The following SIGLEC6 variants were observed in gnomAD, a reference collection of about 807,000 sequenced individuals.
The protein encoded by SIGLEC6 is sialic acid binding Ig like lectin 6.
In SIGLEC6, 31 loss-of-function variants were observed where a neutral mutation model predicts 41.4. That is an observed-to-expected ratio of 0.75 (90% CI 0.56 to 1.01). SIGLEC6 has a LOEUF of 1.01. Ranked by LOEUF, SIGLEC6 falls within the 50% of genes least tolerant of loss-of-function variation. The pLI is 0.00. For synonymous variants in SIGLEC6, 217 were observed against 231.0 expected (o/e 0.94, Z 0.55); for missense variants, 555 against 558.6 (o/e 0.99, Z 0.06).
At position 51,528,504 on chromosome 19, in the gene SIGLEC6, T is replaced by C. The variant is rs562480071; in HGVS notation, c.1013-251A>G. 2.2e-5 allele frequency: 12 copies of C among 544,258 alleles called. No individual in the cohort carries two copies. In the East Asian group the frequency reaches 3.7e-4, roughly 17 times the overall value. The allele number at this position is 544,258 out of a possible 1,614,324, so 33.7% of individuals were successfully genotyped here. On this transcript the variant is annotated intron_variant, in intron 5 of 7. Transcript: ENST00000425629. ...TTGGAAACATCTTCTCCAAGCTTCA[T>C]TTCTCTGGAGCAGTTAGGGGTTGAA...
chr19:51,524,055 C>T (rs545515045), intron 7 of SIGLEC6, among the ~76,000 whole-genome samples: 1 of 151,396 alleles, frequency 6.6e-6, no homozygotes, highest in Admixed American at 6.6e-5. Flanking sequence ...TTAAAACTAT[C>T]AAAAAGGCAA....
intron 7 of SIGLEC6, 26 bp from the exon 8 acceptor site, chr19:51,520,281 A>C (rs1445850369): frequency 1.3e-6 from 2 of 1,512,930 alleles, no homozygotes; most frequent in South Asian, 2.7e-5. Context: ...GAAAAGATTC[A>C]GGGCTGGACA....
At chr19:51,531,014 G>C in intron 2 of SIGLEC6, 55 bp from the exon 3 acceptor site, 4 of 1,588,140 alleles carry the variant, frequency 2.5e-6, no homozygotes, top group Non-Finnish European at 3.4e-6. Context: ...TTTCACCCAG[G>C]GGGAAGCCCA....
rs549603831 is a variant in SIGLEC6, at chr19:51,518,370, C to G, written c.*1712G>C. On this transcript the variant is annotated 3_prime_UTR_variant, in exon 8 of 8. Coordinates refer to ENST00000425629, the MANE Select transcript of SIGLEC6 (RefSeq NM_001245.7). ...TTTTGCTTTTTCTGAGTTGGAGTCT[C>G]GCTCTGTTGCCCAGGCTGGAGTGCA... Among the ~76,000 whole-genome samples, 4 of 152,144 alleles carry G rather than the reference C, an allele frequency of 2.6e-5. No homozygotes were observed.
intron 7 of SIGLEC6, among the ~76,000 whole-genome samples, chr19:51,522,213 C>A (rs1978392610): frequency 2.0e-5 from 3 of 152,248 alleles, no homozygotes; most frequent in Non-Finnish European, 4.4e-5. Context: ...AATATAAACT[C>A]ACCCTGCCAA....
intron 5 of SIGLEC6, 199 bp downstream of exon 5, chr19:51,529,525 C>A: frequency 1.5e-6 from 1 of 653,890 alleles, no homozygotes; most frequent in Non-Finnish European, 2.6e-6. Flanking sequence ...TCCCATCCCT[C>A]CAGAATCTCC....
At position 51,530,669 on chromosome 19, in the gene SIGLEC6, C is replaced by T. The variant is rs779136023; in HGVS notation, c.706+12G>A. 3.1e-6 allele frequency: 5 copies of T among 1,612,890 alleles called. No individual in the cohort carries two copies. Among genetic ancestry groups the T allele is most frequent in the African/African-American group, 1.3e-5 (1 of 74,768 alleles). ...ACCCTCAGGGACCCGGGCGTCCTGG[C>T]CCAGCACTCACAGGAGACATTGAGC... On this transcript the variant is annotated intron_variant, in intron 3 of 7. Transcript: ENST00000425629.
In SIGLEC6 at chr19:51,527,826, ACTCTGAGGGAACAGC is replaced by A; in HGVS notation, c.1107-13_1108del. On this transcript the variant is annotated splice_acceptor_variant and splice_polypyrimidine_tract_variant and coding_sequence_variant and intron_variant, in exon 7 of 8. Coordinates refer to ENST00000425629, the MANE Select transcript of SIGLEC6 (RefSeq NM_001245.7). LOFTEE classifies it high-confidence loss of function. ...GGCTGCTTTCTTCCTTCTAGTCTTC[ACTCTGAGGGAACAGC>A]CCTAAGCCTTTCAGCCTGGTTATTT... 1 of 1,613,804 alleles carries A rather than the reference ACTCTGAGGGAACAGC, an allele frequency of 6.2e-7. No individual in the cohort carries two copies. Among genetic ancestry groups the A allele is most frequent in the Non-Finnish European group, 8.5e-7 (1 of 1,179,880 alleles).
chr19:51,531,054 A>G, intron 2 of SIGLEC6, 95 bp from the exon 3 acceptor site: 1 of 1,571,176 alleles, frequency 6.4e-7, no homozygotes, highest in Non-Finnish European at 8.6e-7. Context: ...CTCTGAGCCC[A>G]ACATGCTTAA....
chr19:51,528,869 T>C (rs1277548001), intron 5 of SIGLEC6, among the ~76,000 whole-genome samples: 1 of 151,802 alleles, frequency 6.6e-6, no homozygotes, highest in Non-Finnish European at 1.5e-5. Flanking sequence ...TAGTGCCAGC[T>C]ACTCGGGAGG....
At chr19:51,531,544 G>C (rs1175011171) in intron 1 of SIGLEC6, 25 bp from the exon 2 acceptor site, 5 of 1,613,748 alleles carry the variant, frequency 3.1e-6, no homozygotes, top group African/African-American at 1.3e-5. Context: ...GGGTCAGCTC[G>C]GCCCAGCCCC....
chr19:51,529,849 G>T lies in SIGLEC6; in HGVS notation c.887C>A (p.Thr296Asn), dbSNP rs754875725. 2.5e-6 allele frequency: 4 copies of T among 1,614,052 alleles called. No individual in the cohort carries two copies. The highest frequency in any genetic ancestry group is 1.3e-5 in the African/African-American group (1 of 74,896). The change falls in exon 5 of 8, where the codon ACC becomes AAC. Residue 296 changes from threonine (T) to asparagine (N), a missense_variant. Coordinates refer to ENST00000425629, the MANE Select transcript of SIGLEC6 (RefSeq NM_001245.7). ...CAGGACCCCGGTATTGGAGATGGGG[G>T]TGGCGTTCAGGGCGGGGAAGCCCTG... is the stretch of plus-strand genomic sequence containing the variant. ...WFQGFPALNA[T>N]PISNTGVLEL...
At position 51,529,748 on chromosome 19, in the gene SIGLEC6, T is replaced by C. The variant is rs1427232262; in HGVS notation, c.988A>G (p.Ile330Val). 6.2e-7 allele frequency: 1 copy of C among 1,614,064 alleles called. No individual in the cohort carries two copies. ...RAQHPLGSLQISLSLFVHWKP... is the reference protein window; with the variant it reads ...RAQHPLGSLQVSLSLFVHWKP... ...CAATGCACAAAGAGACTCAGAGAGA[T>C]TTGCAGGGAGCCCAGAGGATGCTGA... The change falls in exon 5 of 8, where the codon ATC becomes GTC. Residue 330 changes from isoleucine to valine, a missense_variant. Coordinates refer to ENST00000425629, the MANE Select transcript of SIGLEC6 (RefSeq NM_001245.7).
intron 7 of SIGLEC6, among the ~76,000 whole-genome samples, chr19:51,525,032 T>G (rs1294136063): frequency 1.3e-5 from 2 of 152,180 alleles, no homozygotes; most frequent in Non-Finnish European, 1.5e-5. Context: ...CTCAGGCCCA[T>G]GTGGAGCCCC....
At chr19:51,523,162 T>C (rs1347276802) in intron 7 of SIGLEC6, among the ~76,000 whole-genome samples, 1 of 151,908 alleles carries the variant, frequency 6.6e-6, no homozygotes, top group African/African-American at 2.4e-5. Context: ...ATAAACTGAA[T>C]TGAATTTCTA....
rs756916008 is a variant in SIGLEC6 at position 51,530,436 on chromosome 19, C to T, written c.754+1G>A. On this transcript the variant is annotated splice_donor_variant, in intron 4 of 7. Transcript: ENST00000425629. LOFTEE classifies it high-confidence loss of function. ...AGAGAACAGGACTGGCTGGTTCCTACCTGCGCTGTTTCCTTGGAAGATGCT... is the reference window on the plus strand; with the variant it reads ...AGAGAACAGGACTGGCTGGTTCCTATCTGCGCTGTTTCCTTGGAAGATGCT... The T allele has an allele frequency of 3.1e-6, 5 of 1,613,992 alleles. No individual in the cohort carries two copies. Among genetic ancestry groups the T allele is most frequent in the Non-Finnish European group, 4.2e-6 (5 of 1,179,876 alleles).
At chr19:51,528,449 G>A (rs768706374) in intron 5 of SIGLEC6, 196 bp from the exon 6 acceptor site, 64 of 591,234 alleles carry the variant, frequency 1.1e-4, no homozygotes, top group Non-Finnish European at 1.8e-4. Context: ...GACTGAGGAC[G>A]TTGTGCCCCC....
At chr19:51,520,429 G>T (rs982892353) in intron 7 of SIGLEC6, among the ~76,000 whole-genome samples, 174 bp from the exon 8 acceptor site, 4 of 151,876 alleles carry the variant, frequency 2.6e-5, no homozygotes, top group African/African-American at 9.7e-5. Context: ...TCGCTCTGTT[G>T]TCCAGGCTGG....
Position 51,518,452 on chromosome 19 carries a change from G to A in SIGLEC6, c.*1630C>T, listed in dbSNP as rs1303272466. Among the ~76,000 whole-genome samples, 1 of 152,152 alleles carries A rather than the reference G, an allele frequency of 6.6e-6. No homozygotes were observed. The highest frequency in any genetic ancestry group is 1.5e-5 in the Non-Finnish European group (1 of 68,030). On this transcript the variant is annotated 3_prime_UTR_variant, in exon 8 of 8. Coordinates refer to ENST00000425629, the MANE Select transcript of SIGLEC6 (RefSeq NM_001245.7). ...CCTCCCAGGTTCAAGCAATTCTCCT[G>A]CTTCAACCTGCAGAAGTACCTGGGA...
Sources: gnomAD v4.1 joint callset for allele counts (sites outside exome capture counted in the v4.1 genomes callset) on GRCh38, gnomAD v4.1.1 for gene constraint, MANE v1.5 for transcripts, NCBI Gene and HGNC (gene_info 2026-07-23, HGNC 2026-07-21) for gene names.